Variants in SHQ1 observed in about 807,000 individuals in gnomAD.
The protein encoded by SHQ1 is SHQ1, H/ACA ribonucleoprotein assembly factor.
SHQ1 carries 49 observed loss-of-function variants against 53.8 expected under a neutral mutation model. That is an observed-to-expected ratio of 0.91 (90% confidence interval 0.72 to 1.16). SHQ1 has a LOEUF of 1.16. Ranked by LOEUF, SHQ1 falls within the 50% of genes most tolerant of loss-of-function variation. SHQ1 has a pLI of 0.00. For missense variants in SHQ1, 738 were observed against 683.1 expected (o/e 1.08, Z -0.90); for synonymous variants, 243 against 251.0 (o/e 0.97, Z 0.30).
At chr3:72,843,851 G>C (rs1708250462) in intron 2 of SHQ1, among the ~76,000 whole-genome samples, 1 of 152,040 alleles carries the variant, frequency 6.6e-6, no homozygotes. Flanking sequence ...AAGGAAGCCA[G>C]TGGCTTCTAT....
chr3:72,841,172 A>G lies in SHQ1; in HGVS notation c.359T>C (p.Val120Ala). 4 of 1,613,244 alleles carry G rather than the reference A, an allele frequency of 2.5e-6. No individual in the cohort carries two copies. The highest frequency in any genetic ancestry group is 2.7e-5 in the African/African-American group (2 of 75,000). The change falls in exon 4 of 11, where the codon GTT becomes GCT. Residue 120 changes from valine (V) to alanine (A), a missense_variant. By Grantham distance (64) the Val-to-Ala change is moderately conservative. Coordinates refer to ENST00000325599, the MANE Select transcript of SHQ1 (RefSeq NM_018130.3). The stretch of plus-strand genomic sequence containing the variant: ...TTCCCAATCAAACTCTTCATCGTCA[A>G]CTACTTCCTCAGGAATCTCAGAAGC... ...IGASEIPEEV[V>A]DDEEFDWEIE...
chr3:72,736,497 A>G, the SHQ1 span, among the ~76,000 whole-genome samples: 3 of 151,758 alleles, frequency 2.0e-5, no homozygotes, highest in Non-Finnish European at 2.9e-5. Context: ...TTTTAAAAAA[A>G]TCCTCAGTTT....
At position 72,749,322 on chromosome 3, in the gene SHQ1, C is replaced by T. The variant is rs1330179885; in HGVS notation, c.*962G>A. 2 of 229,476 alleles carry T rather than the reference C, an allele frequency of 8.7e-6. No homozygotes were observed. Among genetic ancestry groups the T allele is most frequent in the Non-Finnish European group, 1.7e-5 (2 of 115,690 alleles). 14.2% of individuals were successfully genotyped at this position (229,476 alleles called of 1,614,324 possible). On this transcript the variant is annotated 3_prime_UTR_variant, in exon 11 of 11. Coordinates refer to ENST00000325599, the MANE Select transcript of SHQ1 (RefSeq NM_018130.3). The stretch of plus-strand genomic sequence containing the variant: ...CAGCTTTATTTATAACAGCCCCAAA[C>T]TGGAAACAACCCAGGTGTCCATCGA...
rs199656163 is a variant in SHQ1 at position 72,750,343 on chromosome 3, T to G, written c.1675A>C (p.Thr559Pro). ...TGAATATTGCTGCGGTTTACAGCAG[T>G]GGTGCCCTTGGGTTCAGAAACCTGA... The part of the protein sequence containing the change: ...TVQVSEPKGT[T>P]AVNRSNIQER... Residue 559 changes from threonine (T) to proline (P), a missense_variant, in exon 11 of 11, where the codon ACT (threonine) becomes CCT (proline). Coordinates refer to ENST00000325599, the MANE Select transcript of SHQ1 (RefSeq NM_018130.3). The G allele has an allele frequency of 1.6e-4, 266 of 1,614,196 alleles. No individual in the cohort carries two copies. The highest frequency in any genetic ancestry group is 5.0e-4 in the Middle Eastern group (3 of 6,060).
intron 5 of SHQ1, among the ~76,000 whole-genome samples, chr3:72,829,614 A>T (rs528861912): frequency 6.6e-6 from 1 of 152,374 alleles, no homozygotes; most frequent in South Asian, 2.1e-4. Context: ...TCTTGCTCCC[A>T]GCCATCCAAT....
intron 10 of SHQ1, among the ~76,000 whole-genome samples, chr3:72,785,945 A>C (rs1706220790): frequency 6.6e-6 from 1 of 152,194 alleles, no homozygotes; most frequent in Admixed American, 6.5e-5. Flanking sequence ...TAGAGGCATT[A>C]AATCAACATT....
chr3:72,817,420 T>C lies in SHQ1; in HGVS notation c.728-36A>G, dbSNP rs756732450. 8 of 1,570,660 alleles carry C rather than the reference T, an allele frequency of 5.1e-6. No individual in the cohort carries two copies. The South Asian group carries it at 8.3e-5, about 16-fold the overall frequency. ...ACGCATTTAAAAACTAGATGTTTCA[T>C]TCAGTTTTGTAAAACTCCCAATGGA... is the stretch of plus-strand genomic sequence containing the variant. On this transcript the variant is annotated intron_variant, in intron 6 of 10. Transcript: ENST00000325599.
At chr3:72,799,038 G>A (rs1347844255) in intron 9 of SHQ1, among the ~76,000 whole-genome samples, 1 of 151,870 alleles carries the variant, frequency 6.6e-6, no homozygotes, top group African/African-American at 2.4e-5. Context: ...ATAAGTAAAG[G>A]GACCAGGCCT....
chr3:72,731,243 C>T, the SHQ1 span, among the ~76,000 whole-genome samples: 2 of 143,692 alleles, frequency 1.4e-5, no homozygotes, highest in Non-Finnish European at 3.1e-5. Flanking sequence ...GGATTGGCAA[C>T]CTTTTTCTGT....
chr3:72,747,411 C>T (rs551239405), downstream of SHQ1, among the ~76,000 whole-genome samples: 1 of 152,326 alleles, frequency 6.6e-6, no homozygotes, highest in African/African-American at 2.4e-5. Context: ...ATACACAAAA[C>T]CATGGCTTTC....
intron 10 of SHQ1, among the ~76,000 whole-genome samples, chr3:72,763,702 T>C (rs1002303766): frequency 6.6e-6 from 1 of 152,066 alleles, no homozygotes; most frequent in Admixed American, 6.5e-5. Context: ...AGGCAGAGAT[T>C]GGTGTGATGT....
chr3:72,836,403 G>A (rs1007894795), intron 4 of SHQ1, among the ~76,000 whole-genome samples: 1 of 152,278 alleles, frequency 6.6e-6, no homozygotes, highest in East Asian at 1.9e-4. Flanking sequence ...GCAGGAAAAT[G>A]GGGTGAACCC....
chr3:72,771,674 C>G (rs1378592424), intron 10 of SHQ1, among the ~76,000 whole-genome samples: 1 of 152,174 alleles, frequency 6.6e-6, no homozygotes, highest in Non-Finnish European at 1.5e-5. Flanking sequence ...ACAAAGTAGT[C>G]TGCCCAAAAA....
In SHQ1 at chr3:72,750,525, T is replaced by C; in HGVS notation, c.1493A>G (p.Glu498Gly). 3 of 1,614,228 alleles carry C rather than the reference T, an allele frequency of 1.9e-6. No individual in the cohort carries two copies. Among genetic ancestry groups the C allele is most frequent in the Non-Finnish European group, 2.5e-6 (3 of 1,180,028 alleles). ...ATCAACAATAAGAAAGGCACTGCTT[T>C]CTTCAAGAAAGGGACCTTGCAAAGA... is the stretch of plus-strand genomic sequence containing the variant. ...VSSLQGPFLE[E>G]SSAFLIVDGG... The change falls in exon 11 of 11, where the codon GAA (glutamate) becomes GGA (glycine). Residue 498 changes from glutamate to glycine, a missense_variant. By Grantham distance (98) the Glu-to-Gly change is moderately conservative. Coordinates refer to ENST00000325599, the MANE Select transcript of SHQ1 (RefSeq NM_018130.3).
In SHQ1 at chr3:72,749,975, G is replaced by T; in HGVS notation, c.*309C>A. 2 of 338,082 alleles carry T rather than the reference G, an allele frequency of 5.9e-6. No individual in the cohort carries two copies. Among genetic ancestry groups the T allele is most frequent in the Admixed American group, 9.1e-5 (2 of 21,872 alleles). The allele number at this position is 338,082 out of a possible 1,614,324, so 20.9% of individuals were successfully genotyped here. A position where few individuals can be genotyped will look rare whatever the true frequency, so the allele number is the denominator to read the frequency against. ...GCATATAACCTACCCACATCCTCCT[G>T]CACAGTTTAAATCATCACTAGATTA... On this transcript the variant is annotated 3_prime_UTR_variant, in exon 11 of 11. Coordinates refer to ENST00000325599, the MANE Select transcript of SHQ1 (RefSeq NM_018130.3).
chr3:72,777,671 T>C (rs1260656578), intron 10 of SHQ1, among the ~76,000 whole-genome samples: 1 of 152,236 alleles, frequency 6.6e-6, no homozygotes, highest in Non-Finnish European at 1.5e-5. Context: ...TAACATATCA[T>C]TGTCCCTAAT....
At position 72,817,214 on chromosome 3, in the gene SHQ1, A is replaced by C; in HGVS notation, c.882+16T>G. ...CACAGTCATCTATGGCAACATGCAC[A>C]CATACATGCACTTACATTCTTCTCT... On this transcript the variant is annotated intron_variant, in intron 7 of 10. Coordinates refer to ENST00000325599, the MANE Select transcript of SHQ1 (RefSeq NM_018130.3). The C allele has an allele frequency of 6.2e-7, 1 of 1,606,180 alleles. No individual in the cohort carries two copies. The highest frequency in any genetic ancestry group is 8.5e-7 in the Non-Finnish European group (1 of 1,176,040).
At chr3:72,775,239 G>A (rs572603225) in intron 10 of SHQ1, among the ~76,000 whole-genome samples, 1 of 151,170 alleles carries the variant, frequency 6.6e-6, no homozygotes, top group Non-Finnish European at 1.5e-5. Context: ...AAATGTAAAA[G>A]ACAACAATTA....
intron 8 of SHQ1, among the ~76,000 whole-genome samples, chr3:72,813,653 C>G (rs542026124): frequency 6.7e-6 from 1 of 148,766 alleles, no homozygotes; most frequent in South Asian, 2.1e-4. Flanking sequence ...CCCAGCTACT[C>G]GGGAAGCTGA....
Sources: gnomAD v4.1 joint callset for allele counts (sites outside exome capture counted in the v4.1 genomes callset) on GRCh38, gnomAD v4.1.1 for gene constraint, MANE v1.5 for transcripts, NCBI Gene and HGNC (gene_info 2026-07-23, HGNC 2026-07-21) for gene names.